Variants in LARS2 observed in about 807,000 individuals in gnomAD.
LARS2 encodes the protein leucine--tRNA ligase, mitochondrial.
In LARS2, 81 loss-of-function variants were observed where a neutral mutation model predicts 116.6. That is an observed-to-expected ratio of 0.69 (90% CI 0.58 to 0.84). The LOEUF (loss-of-function observed/expected upper bound fraction) is 0.84. Among genes scored for constraint, LARS2 ranks in the 40% least tolerant of loss-of-function variants. LARS2 has a pLI of 0.00. For missense variants in LARS2, 968 were observed against 1,114.5 expected, an observed-to-expected ratio of 0.87 and a Z score of 1.87; for synonymous variants, 396 against 407.2, an observed-to-expected ratio of 0.97 and a Z score of 0.33.
rs775913371 is a variant in LARS2, at chr3:45,458,804, A to C, written c.668A>C (p.His223Pro). Residue 223 changes from histidine to proline, a missense_variant, in exon 8 of 22, where the codon CAT becomes CCT. His to Pro is a moderately conservative substitution (Grantham distance 77, BLOSUM62 -2). Transcript: ENST00000645846. Reference protein sequence around the residue: ...TVLANEQVDEHGCSWRSGAKV... With the variant: ...TVLANEQVDEPGCSWRSGAKV... ...CTTGCCAATGAGCAGGTGGATGAAC[A>C]TGGCTGTTCATGGCGTTCTGGAGCA... is the stretch of plus-strand genomic sequence containing the variant. 1.2e-6 allele frequency: 2 copies of C among 1,614,116 alleles called. No homozygotes were observed. The highest frequency in any genetic ancestry group is 1.7e-6 in the Non-Finnish European group (2 of 1,179,944).
chr3:45,432,436 A>G (rs536510775), intron 6 of LARS2, among the ~76,000 whole-genome samples: 7 of 152,280 alleles, frequency 4.6e-5, no homozygotes, highest in Admixed American at 4.6e-4. Context: ...TAAAAGATAT[A>G]TAAAGCATCT....
intron 10 of LARS2, among the ~76,000 whole-genome samples, chr3:45,479,692 A>G (rs764092564): frequency 8.5e-5 from 13 of 152,168 alleles, no homozygotes; most frequent in Non-Finnish European, 1.8e-4. Context: ...ACCAAATCTG[A>G]CTTAAGTCAT....
intron 6 of LARS2, chr3:45,421,871 T>C (rs1160431931): frequency 6.6e-6 from 1 of 152,252 alleles, no homozygotes; most frequent in Non-Finnish European, 1.5e-5. Context: ...CACAGTCTCT[T>C]GCAGAGTATC....
chr3:45,447,881 T>C (rs1420713471), intron 7 of LARS2, among the ~76,000 whole-genome samples: 2 of 152,204 alleles, frequency 1.3e-5, no homozygotes, highest in African/African-American at 4.8e-5. Context: ...TAGTGTGGCC[T>C]AGAACTGTCC....
intron 13 of LARS2, among the ~76,000 whole-genome samples, chr3:45,494,815 C>T (rs1699982039): frequency 6.6e-6 from 1 of 152,208 alleles, no homozygotes; most frequent in African/African-American, 2.4e-5. Context: ...TGCCTGTGAT[C>T]CCAGCACTTT....
At position 45,515,455 on chromosome 3, in the gene LARS2, C is replaced by T. The variant is rs558532657; in HGVS notation, c.1862-639C>T. 2.6e-5 allele frequency among the ~76,000 whole-genome samples: 4 copies of T among 152,342 alleles called. No homozygotes were observed. In the East Asian group the frequency reaches 7.7e-4, roughly 29 times the overall value. On this transcript the variant is annotated intron_variant, in intron 16 of 21. Transcript: ENST00000645846. ...CTTGCCAGGTGCTCTTACTAGTCCT[C>T]TCCAGTAGGGCTTGGCAACAAGGTC...
intron 12 of LARS2, 65 bp from the exon 13 acceptor site, chr3:45,491,452 G>A: frequency 6.6e-7 from 1 of 1,518,812 alleles, no homozygotes; most frequent in Non-Finnish European, 9.0e-7. Context: ...AGGACTGGTG[G>A]CAGCATCAGG....
intron 8 of LARS2, among the ~76,000 whole-genome samples, chr3:45,468,541 A>G (rs1016179137): frequency 6.6e-6 from 1 of 152,194 alleles, no homozygotes; most frequent in Admixed American, 6.5e-5. Context: ...AATCAGAAGC[A>G]ATCTCATCAG....
rs1329310681 is a variant in LARS2, at chr3:45,395,821, A to C, written c.234+1134A>C. On this transcript the variant is annotated intron_variant, in intron 3 of 21. Coordinates refer to ENST00000645846, the MANE Select transcript of LARS2 (RefSeq NM_015340.4). Reference sequence around the variant, plus strand: ...GCAATGGTTAGAAAGAAAAATTGCTATTGAAAAAGATGTAGTGTGTAACAA... The same window carrying C: ...GCAATGGTTAGAAAGAAAAATTGCTCTTGAAAAAGATGTAGTGTGTAACAA... 3.9e-5 allele frequency among the ~76,000 whole-genome samples: 6 copies of C among 152,356 alleles called. No homozygotes were observed. The East Asian group carries it at 1.2e-3, about 29-fold the overall frequency.
intron 8 of LARS2, among the ~76,000 whole-genome samples, chr3:45,467,776 T>C (rs1360194381): frequency 6.6e-6 from 1 of 152,196 alleles, no homozygotes; most frequent in Non-Finnish European, 1.5e-5. Context: ...TTGTTAATTT[T>C]CTTCTCTTCC....
At chr3:45,452,048 A>G (rs1699138865) in intron 7 of LARS2, among the ~76,000 whole-genome samples, 1 of 152,126 alleles carries the variant, frequency 6.6e-6, no homozygotes, top group South Asian at 2.1e-4. Flanking sequence ...GTATCCTGCA[A>G]CTTTACTAAA....
intron 6 of LARS2, among the ~76,000 whole-genome samples, chr3:45,440,710 A>T (rs1698891452): frequency 6.6e-6 from 1 of 152,152 alleles, no homozygotes; most frequent in African/African-American, 2.4e-5. Context: ...AAGTGGACCG[A>T]GAAACCAAGA....
intron 6 of LARS2, among the ~76,000 whole-genome samples, chr3:45,430,272 A>AAT (rs1463959360): frequency 3.1e-5 from 3 of 96,792 alleles, no homozygotes; most frequent in Admixed American, 1.1e-4. Flanking sequence ...GCACCCGGCC[A>AAT]TTTTTTTTTT....
At chr3:45,435,754 T>C (rs1698786943) in intron 6 of LARS2, among the ~76,000 whole-genome samples, 1 of 152,212 alleles carries the variant, frequency 6.6e-6, no homozygotes, top group Non-Finnish European at 1.5e-5. Flanking sequence ...TCAACAGGAC[T>C]TACCATTGTC....
chr3:45,479,219 G>A lies in LARS2; in HGVS notation c.1018+2592G>A, dbSNP rs117330848. 5.0e-4 allele frequency among the ~76,000 whole-genome samples: 76 copies of A among 152,324 alleles called. 1 individual carries two copies. In the East Asian group the frequency reaches 9.3e-3, roughly 19 times the overall value. On this transcript the variant is annotated intron_variant, in intron 10 of 21. Transcript: ENST00000645846. Reference sequence around the variant, plus strand: ...ATCCATATGACTTAAGGAAGGTCACGTAAGCTTTGTAAGTTTAGCCTTCCT... The same window carrying A: ...ATCCATATGACTTAAGGAAGGTCACATAAGCTTTGTAAGTTTAGCCTTCCT...
chr3:45,460,876 A>G (rs1028402371), intron 8 of LARS2, among the ~76,000 whole-genome samples: 3 of 152,226 alleles, frequency 2.0e-5, no homozygotes, highest in African/African-American at 7.2e-5. Context: ...TTAATAAAAA[A>G]TAAAATAAGC....
At chr3:45,415,896 GAGAGAGAGA>G (rs1698412520) in intron 4 of LARS2, among the ~76,000 whole-genome samples, 1 of 80,996 alleles carries the variant, frequency 1.2e-5, no homozygotes, top group African/African-American at 4.4e-5. Context: ...GAGAGAGGGA[GAGAGAGAGA>G]GAGAGAGAGA....
In LARS2 at chr3:45,398,224, C is replaced by T. The variant is rs3774699; in HGVS notation, c.235-2021C>T. Reference sequence around the variant, plus strand: ...AGTTTTTGTGGGTTTCTTTTTGCCACGTGCTAATGGTTCCGTTAAAGGTTT... The same window carrying T: ...AGTTTTTGTGGGTTTCTTTTTGCCATGTGCTAATGGTTCCGTTAAAGGTTT... On this transcript the variant is annotated intron_variant, in intron 3 of 21. Transcript: ENST00000645846. 3.3e-4 allele frequency among the ~76,000 whole-genome samples: 51 copies of T among 152,292 alleles called. No homozygotes were observed. The East Asian group carries it at 7.7e-3, about 23-fold the overall frequency.
At chr3:45,518,221 AT>A in intron 18 of LARS2, 149 bp downstream of exon 18, 1 of 615,508 alleles carries the variant, frequency 1.6e-6, no homozygotes, top group South Asian at 2.0e-5. Context: ...GCTTTGATTG[AT>A]TGGCCCTACT....
Sources: gnomAD v4.1 joint callset for allele counts (sites outside exome capture counted in the v4.1 genomes callset) on GRCh38, gnomAD v4.1.1 for gene constraint, MANE v1.5 for transcripts, NCBI Gene and HGNC (gene_info 2026-07-23, HGNC 2026-07-21) for gene names.